The following PKHD1L1 variants were observed in gnomAD, a reference collection of about 807,000 sequenced individuals.
PKHD1L1 encodes fibrocystin-L.
PKHD1L1 carries 434 observed loss-of-function variants against 462.9 expected under a neutral mutation model. The observed-to-expected ratio is 0.94, with a 90% CI of 0.87 to 1.02. The LOEUF is 1.02. Among genes scored for constraint, PKHD1L1 ranks in the 50% least tolerant of loss-of-function variants. PKHD1L1 has a pLI of 0.00. For missense variants in PKHD1L1, 5,202 were observed against 5,096.1 expected, an observed-to-expected ratio of 1.02 and a Z score of -0.63; for synonymous variants, 1,781 against 1,750.0, an observed-to-expected ratio of 1.02 and a Z score of -0.44.
intron 71 of PKHD1L1, among the ~76,000 whole-genome samples, chr8:109,514,079 T>G (rs1400211073): frequency 2.0e-5 from 3 of 152,072 alleles, no homozygotes; most frequent in African/African-American, 7.2e-5. Flanking sequence ...ACCCCTGAGC[T>G]CTCTGGCTTC....
intron 50 of PKHD1L1, 139 bp from the exon 51 acceptor site, chr8:109,474,979 C>A (rs1817901811): frequency 1.6e-6 from 1 of 632,946 alleles, no homozygotes; most frequent in East Asian, 3.0e-5. Flanking sequence ...TAAAGACTGT[C>A]ATAGACTAAA....
chr8:109,467,381 G>A (rs1586575563), intron 50 of PKHD1L1, among the ~76,000 whole-genome samples: 1 of 151,020 alleles, frequency 6.6e-6, no homozygotes, highest in Admixed American at 6.6e-5. Flanking sequence ...TCTACATTCC[G>A]CCCCTGCCCC....
intron 77 of PKHD1L1, among the ~76,000 whole-genome samples, chr8:109,528,316 G>A (rs999244802): frequency 1.3e-5 from 2 of 152,108 alleles, no homozygotes; most frequent in South Asian, 2.1e-4. Flanking sequence ...TTCTCCGCCC[G>A]CAGTTAATGC....
chr8:109,469,130 C>T (rs1049247614), intron 50 of PKHD1L1, among the ~76,000 whole-genome samples: 1 of 152,102 alleles, frequency 6.6e-6, no homozygotes, highest in African/African-American at 2.4e-5. Flanking sequence ...AATGGTTAAG[C>T]ACTGACTCCT....
In PKHD1L1 at chr8:109,445,243, G is replaced by A; in HGVS notation, c.5374G>A (p.Glu1792Lys). ...FIGNQQFRAI[E>K]VNENNITALV... ...TGGAAATCAACAGTTCAGAGCAATA[G>A]AGGTTAATGAAAACAACATCACTGC... is the stretch of plus-strand genomic sequence containing the variant. The change falls in exon 38 of 78, where the codon GAG becomes AAG. Residue 1792 changes from glutamate (E) to lysine (K), a missense_variant. Glu to Lys is a moderately conservative substitution (Grantham distance 56). Around this residue, in one of 3 missense-constraint regions of PKHD1L1, gnomAD observed 4,497 missense variants for 4,336.8 expected, o/e 1.04. Transcript: ENST00000378402. 1 of 1,614,018 alleles carries A rather than the reference G, an allele frequency of 6.2e-7. No individual in the cohort carries two copies. Among genetic ancestry groups the A allele is most frequent in the Non-Finnish European group, 8.5e-7 (1 of 1,179,890 alleles).
intron 57 of PKHD1L1, 95 bp from the exon 58 acceptor site, chr8:109,484,949 A>C (rs1195607664): frequency 2.9e-6 from 3 of 1,018,354 alleles, no homozygotes; most frequent in Non-Finnish European, 4.2e-6. Context: ...TGCCAATGAG[A>C]TATACATTAA....
chr8:109,446,399 T>G (rs1315811995), intron 38 of PKHD1L1, among the ~76,000 whole-genome samples: 1 of 152,184 alleles, frequency 6.6e-6, no homozygotes, highest in Non-Finnish European at 1.5e-5. Context: ...AAACATCAAT[T>G]TCCTTATTTA....
chr8:109,438,286 A>G (rs1271076441), intron 30 of PKHD1L1, 38 bp from the exon 31 acceptor site: 26 of 1,376,740 alleles, frequency 1.9e-5, no homozygotes, highest in Non-Finnish European at 2.5e-5. Flanking sequence ...CTGTATCTCA[A>G]CAATTAATAT....
chr8:109,476,069 T>G (rs931707455), intron 51 of PKHD1L1, among the ~76,000 whole-genome samples: 1 of 152,094 alleles, frequency 6.6e-6, no homozygotes, highest in African/African-American at 2.4e-5. Flanking sequence ...TACTACACAT[T>G]TGTGCAGCAT....
intron 4 of PKHD1L1, among the ~76,000 whole-genome samples, chr8:109,383,539 A>G (rs1163657997): frequency 6.9e-6 from 1 of 145,056 alleles, no homozygotes; most frequent in Admixed American, 7.4e-5. Flanking sequence ...TAAGTTGTCA[A>G]TTACTGAGTA....
chr8:109,437,909 T>C (rs2130725286), intron 30 of PKHD1L1, among the ~76,000 whole-genome samples: 1 of 152,188 alleles, frequency 6.6e-6, no homozygotes, highest in East Asian at 1.9e-4. Flanking sequence ...GATTTTGGAG[T>C]GAGGTCTTCA....
chr8:109,444,360 C>G (rs1815995312), intron 37 of PKHD1L1, among the ~76,000 whole-genome samples: 1 of 152,160 alleles, frequency 6.6e-6, no homozygotes, highest in African/African-American at 2.4e-5. Context: ...CTTTTTGTGA[C>G]CTAATAATAT....
chr8:109,444,648 A>G lies in PKHD1L1; in HGVS notation c.4792-13A>G. ...TATTGACTTGTTTTATTTTGTATTC[A>G]TTTTACTTACAGGTTACAATTGGTA... is the stretch of plus-strand genomic sequence containing the variant. On this transcript the variant is annotated splice_polypyrimidine_tract_variant and intron_variant, in intron 37 of 77. Coordinates refer to ENST00000378402, the MANE Select transcript of PKHD1L1 (RefSeq NM_177531.6). 2.5e-6 allele frequency: 4 copies of G among 1,597,776 alleles called. No homozygotes were observed. Among genetic ancestry groups the G allele is most frequent in the Non-Finnish European group, 3.4e-6 (4 of 1,169,872 alleles).
At chr8:109,412,495 A>G (rs938679847) in intron 20 of PKHD1L1, 81 bp downstream of exon 20, 8 of 1,382,462 alleles carry the variant, frequency 5.8e-6, no homozygotes, top group African/African-American at 1.5e-5. Context: ...AAGACAAGAA[A>G]AAATATTTGC....
chr8:109,369,792 C>G (rs947766918), intron 2 of PKHD1L1, among the ~76,000 whole-genome samples: 5 of 152,154 alleles, frequency 3.3e-5, no homozygotes, highest in African/African-American at 1.2e-4. Context: ...ACGTAACTTG[C>G]TTTGCAGTGT....
At chr8:109,459,409 T>C (rs1816990184) in intron 46 of PKHD1L1, among the ~76,000 whole-genome samples, 186 bp from the exon 47 acceptor site, 2 of 150,360 alleles carry the variant, frequency 1.3e-5, no homozygotes, top group African/African-American at 4.9e-5. Flanking sequence ...ATTGAATATA[T>C]TTGTAAAACT....
chr8:109,420,758 C>A, intron 23 of PKHD1L1, 68 bp downstream of exon 23: 1 of 1,167,456 alleles, frequency 8.6e-7, no homozygotes, highest in Non-Finnish European at 1.2e-6. Flanking sequence ...AAATAACCAA[C>A]ATACAGATGG....
rs867514130 is a variant in PKHD1L1 at position 109,522,769 on chromosome 8, C to G, written c.12209C>G (p.Ser4070Cys). ...GTGACTGCCCAGCCAGTTGAAAGGT[C>G]TGCATTTCCTGTTCATCACGTGGCC... ...IKVTAQPVER[S>C]AFPVHHVAFV... Residue 4070 changes from serine (S) to cysteine (C), a missense_variant, in exon 75 of 78, where the codon TCT becomes TGT. Coordinates refer to ENST00000378402, the MANE Select transcript of PKHD1L1 (RefSeq NM_177531.6). 7.4e-6 allele frequency: 12 copies of G among 1,611,396 alleles called. No individual in the cohort carries two copies. In the Middle Eastern group the frequency reaches 6.6e-4, roughly 89 times the overall value.
intron 62 of PKHD1L1, among the ~76,000 whole-genome samples, chr8:109,492,809 T>C (rs1188119413): frequency 6.6e-6 from 1 of 151,930 alleles, no homozygotes; most frequent in Non-Finnish European, 1.5e-5. Flanking sequence ...ATCACAACTT[T>C]TGACTGTTTT....
Sources: gnomAD v4.1 joint callset for allele counts (sites outside exome capture counted in the v4.1 genomes callset) on GRCh38, gnomAD v4.1.1 for gene constraint, gnomAD v4.1.1 regional missense constraint, MANE v1.5 for transcripts, NCBI Gene and HGNC (gene_info 2026-07-23, HGNC 2026-07-21) for gene names.